Variants in ATG2A observed in about 807,000 individuals in gnomAD.
ATG2A encodes autophagy related 2A.
In ATG2A, 103 loss-of-function variants were observed where a neutral mutation model predicts 214.2. The observed-to-expected ratio is 0.48, with a 90% CI of 0.41 to 0.57. The LOEUF is 0.57. Ranked by LOEUF, ATG2A falls within the 20% of genes least tolerant of loss-of-function variation. The pLI is 0.00. For missense variants in ATG2A, 2,312 were observed against 2,613.2 expected, an observed-to-expected ratio of 0.88 and a Z score of 2.51; for synonymous variants, 1,160 against 1,142.1, an observed-to-expected ratio of 1.02 and a Z score of -0.32.
intron 24 of ATG2A, among the ~76,000 whole-genome samples, chr11:64,904,287 C>G (rs1280826153): frequency 6.6e-6 from 1 of 151,776 alleles, no homozygotes; most frequent in Admixed American, 6.6e-5. Flanking sequence ...TGGCTCATGC[C>G]TATAATCCCA....
rs200959543 is a variant in ATG2A at position 64,898,024 on chromosome 11, A to C, written c.4859-50T>G. On this transcript the variant is annotated intron_variant, in intron 34 of 40. Coordinates refer to ENST00000377264, the MANE Select transcript of ATG2A (RefSeq NM_015104.3). This position sits in a 1 kb window ranked among gnomAD's most constrained non-coding sequence, Gnocchi z 4.5. ...GGGGATGGGGCCAGGAATGACTGGG[A>C]ACCTGTGCTGTCCTGGGAGGCAGAA... is the stretch of plus-strand genomic sequence containing the variant. The C allele has an allele frequency of 1.2e-6, 2 of 1,600,962 alleles. No individual in the cohort carries two copies. The highest frequency in any genetic ancestry group is 8.5e-7 in the Non-Finnish European group (1 of 1,174,878).
At position 64,914,328 on chromosome 11, in the gene ATG2A, C is replaced by G. The variant is rs1329238930; in HGVS notation, c.334+10G>C. ...CCACTTGCCTGCCCCCAGCCTCGCC[C>G]TGCCCTCACCTGGACCCCGGCGGGG... is the stretch of plus-strand genomic sequence containing the variant. On this transcript the variant is annotated intron_variant, in intron 2 of 40. Transcript: ENST00000377264. 1 of 1,591,134 alleles carries G rather than the reference C, an allele frequency of 6.3e-7. No homozygotes were observed. The highest frequency in any genetic ancestry group is 1.8e-5 in the Admixed American group (1 of 56,728).
intron 21 of ATG2A, 65 bp from the exon 22 acceptor site, chr11:64,906,258 G>A (rs377326609): frequency 4.0e-4 from 646 of 1,604,952 alleles, no homozygotes; most frequent in Middle Eastern, 1.7e-3. Context: ...GGGCCTCACC[G>A]CGCACTGGGG....
At chr11:64,910,302 A>G (rs1008130302) in intron 12 of ATG2A, 107 bp from the exon 13 acceptor site, 21 of 1,439,178 alleles carry the variant, frequency 1.5e-5, no homozygotes, top group Non-Finnish European at 1.8e-5. Context: ...GGGCCACGAG[A>G]GCACTAAGAA....
chr11:64,907,289 A>C lies in ATG2A; in HGVS notation c.2798T>G (p.Leu933Arg). The change falls in exon 19 of 41, where the codon CTG becomes CGG. Residue 933 changes from leucine to arginine, a missense_variant. Transcript: ENST00000377264. The stretch of plus-strand genomic sequence containing the variant: ...ACAGAGGGCTGTGATCCGCCCCTTC[A>C]GCACTGTCACCAGTGTAGAGAAGGT... ...QSTFSTLVTV[L>R]KGRITALCET... 4 of 1,543,420 alleles carry C rather than the reference A, an allele frequency of 2.6e-6. No individual in the cohort carries two copies. The highest frequency in any genetic ancestry group is 3.5e-6 in the Non-Finnish European group (4 of 1,142,906).
At chr11:64,910,018 G>A in intron 13 of ATG2A, 22 bp downstream of exon 13, 1 of 1,559,762 alleles carries the variant, frequency 6.4e-7, no homozygotes, top group Non-Finnish European at 8.7e-7. Flanking sequence ...CCCCCGGCCT[G>A]GCCCTGGCAG....
In ATG2A at chr11:64,895,513, G is replaced by GCCC; in HGVS notation, c.5428-72_5428-71insGGG. On this transcript the variant is annotated intron_variant, in intron 39 of 40. Transcript: ENST00000377264. This position sits in a 1 kb window ranked among gnomAD's most constrained non-coding sequence, Gnocchi z 5.0. The stretch of plus-strand genomic sequence containing the variant: ...ACGTCAGCCCCAGGCCCCCAGGACA[G>GCCC]TCTGAGACCCCACCAGCCCTCAGCC... 2 of 1,440,180 alleles carry GCCC rather than the reference G, an allele frequency of 1.4e-6. No homozygotes were observed. Among genetic ancestry groups the GCCC allele is most frequent in the Non-Finnish European group, 9.2e-7 (1 of 1,092,146 alleles). The allele number at this position is 1,440,180 out of a possible 1,614,324, so 89.2% of individuals were successfully genotyped here.
At position 64,895,408 on chromosome 11, in the gene ATG2A, G is replaced by A. The variant is rs779340270; in HGVS notation, c.5462C>T (p.Pro1821Leu). 1.1e-5 allele frequency: 17 copies of A among 1,605,516 alleles called. No individual in the cohort carries two copies. Among genetic ancestry groups the A allele is most frequent in the East Asian group, 4.5e-5 (2 of 44,668 alleles). ...TAETVYDILS[P>L]AAPVSRSLQD... ...CAGGGAGCGGGAGACGGGGGCTGCCGGGGACAGGATGTCATACACGGTCTC... is the reference window on the plus strand; with the variant it reads ...CAGGGAGCGGGAGACGGGGGCTGCCAGGGACAGGATGTCATACACGGTCTC... The change falls in exon 40 of 41, where the codon CCG becomes CTG. Residue 1821 changes from proline to leucine, a missense_variant. Transcript: ENST00000377264. This position sits in a 1 kb window ranked among gnomAD's most constrained non-coding sequence, Gnocchi z 5.0.
At chr11:64,916,350 C>T (rs996908803) in intron 1 of ATG2A, among the ~76,000 whole-genome samples, 3 of 152,194 alleles carry the variant, frequency 2.0e-5, no homozygotes, top group Non-Finnish European at 2.9e-5. Flanking sequence ...TCCCTAGACA[C>T]CCACTTGGCC....
chr11:64,907,625 C>A lies in ATG2A; in HGVS notation c.2547G>T (p.Leu849=). 1 of 1,596,328 alleles carries A rather than the reference C, an allele frequency of 6.3e-7. No individual in the cohort carries two copies. The highest frequency in any genetic ancestry group is 8.5e-7 in the Non-Finnish European group (1 of 1,171,204). ...NDLLMWEPAD[L]LPTPDPAAQP... ...GGGCGGCGGGGTCGGGGGTGGGAAGCAGATCTGCAGGCTCCCACATGAGCA... is the reference window on the plus strand; with the variant it reads ...GGGCGGCGGGGTCGGGGGTGGGAAGAAGATCTGCAGGCTCCCACATGAGCA... The change falls in exon 18 of 41, where the codon CTG becomes CTT. Residue 849 remains leucine (L), a synonymous_variant. Transcript: ENST00000377264.
In ATG2A at chr11:64,894,571, C is replaced by T; in HGVS notation, c.*402G>A. The T allele has an allele frequency of 2.1e-6, 1 of 481,216 alleles. No homozygotes were observed. The highest frequency in any genetic ancestry group is 4.1e-6 in the Non-Finnish European group (1 of 244,022). The allele number at this position is 481,216 out of a possible 1,614,324, so 29.8% of individuals were successfully genotyped here. A position where few individuals can be genotyped will look rare whatever the true frequency, so the allele number is the denominator to read the frequency against. ...TGGCGGTGGGCAGTTTATTCCACTT[C>T]ATGCAGACACTGACCCACGCACTCA... On this transcript the variant is annotated 3_prime_UTR_variant, in exon 41 of 41. Coordinates refer to ENST00000377264, the MANE Select transcript of ATG2A (RefSeq NM_015104.3).
In ATG2A at chr11:64,903,281, C is replaced by T. The variant is rs1944423832; in HGVS notation, c.3612+7G>A. On this transcript the variant is annotated splice_region_variant and intron_variant, in intron 26 of 40. Transcript: ENST00000377264. The surrounding 1 kb of genome is among the most constrained non-coding windows in gnomAD (Gnocchi z 4.2). ...GCTCCAGGAGCCAGAGTGACAGCCT[C>T]ACTCACCAGTTTGCCCTCGGTGCTC... 3.1e-6 allele frequency: 5 copies of T among 1,613,454 alleles called. No individual in the cohort carries two copies. Among genetic ancestry groups the T allele is most frequent in the Non-Finnish European group, 4.2e-6 (5 of 1,179,788 alleles).
rs1332583207 is a variant in ATG2A, at chr11:64,894,642, C to T, written c.*331G>A. Reference sequence around the variant, plus strand: ...TCGAACCACACGGATATCATCCCCTCCTCCCCCCAGACACAGAAAGACACT... The same window carrying T: ...TCGAACCACACGGATATCATCCCCTTCTCCCCCCAGACACAGAAAGACACT... On this transcript the variant is annotated 3_prime_UTR_variant, in exon 41 of 41. Coordinates refer to ENST00000377264, the MANE Select transcript of ATG2A (RefSeq NM_015104.3). 2 of 623,900 alleles carry T rather than the reference C, an allele frequency of 3.2e-6. No individual in the cohort carries two copies. The highest frequency in any genetic ancestry group is 3.6e-5 in the African/African-American group (2 of 55,580). 38.6% of individuals were successfully genotyped at this position (623,900 alleles called of 1,614,324 possible).
Position 64,898,508 on chromosome 11 carries a change from C to A in ATG2A, c.4671+128G>T. 1 of 1,363,556 alleles carries A rather than the reference C, an allele frequency of 7.3e-7. No individual in the cohort carries two copies. The allele number at this position is 1,363,556 out of a possible 1,614,324, so 84.5% of individuals were successfully genotyped here. ...ACAGCCCCTAGCTCTGCCCTTCTCC[C>A]AGGCTCACAAACAACCTGGGTGTTT... On this transcript the variant is annotated intron_variant, in intron 32 of 40. Transcript: ENST00000377264. The surrounding 1 kb of genome is among the most constrained non-coding windows in gnomAD (Gnocchi z 4.5).
chr11:64,902,615 G>C lies in ATG2A; in HGVS notation c.3678C>G (p.Ser1226=). 3.1e-6 allele frequency: 5 copies of C among 1,610,886 alleles called. No homozygotes were observed. Among genetic ancestry groups the C allele is most frequent in the Non-Finnish European group, 4.2e-6 (5 of 1,179,848 alleles). The part of the protein sequence containing the change: ...NVVHVHSCAD[S]CALLVNLLQY... ...GGAGCAGGTTGACCAGCAGGGCACA[G>C]GAGTCGGCACAGCTGTGCACGTGTA... The change falls in exon 27 of 41, where the codon TCC becomes TCG. Residue 1226 remains serine (S), a synonymous_variant. Coordinates refer to ENST00000377264, the MANE Select transcript of ATG2A (RefSeq NM_015104.3).
intron 30 of ATG2A, 42 bp from the exon 31 acceptor site, chr11:64,900,671 C>A: frequency 6.5e-7 from 1 of 1,548,210 alleles, no homozygotes; most frequent in East Asian, 2.3e-5. Flanking sequence ...AGAGGAACCC[C>A]ATTCCCTCCC....
chr11:64,895,492 CAGCCCCAGGCCCCCAGGA>C lies in ATG2A; in HGVS notation c.5428-68_5428-51del. ...GAGGACAGCTGGCTGGGGCACACGT[CAGCCCCAGGCCCCCAGGA>C]CAGTCTGAGACCCCACCAGCCCTCA... On this transcript the variant is annotated intron_variant, in intron 39 of 40. Coordinates refer to ENST00000377264, the MANE Select transcript of ATG2A (RefSeq NM_015104.3). The surrounding 1 kb of genome is among the most constrained non-coding windows in gnomAD (Gnocchi z 5.0). 6.8e-7 allele frequency: 1 copy of C among 1,480,760 alleles called. No homozygotes were observed. Among genetic ancestry groups the C allele is most frequent in the South Asian group, 1.4e-5 (1 of 73,936 alleles). 91.7% of individuals were successfully genotyped at this position (1,480,760 alleles called of 1,614,324 possible).
In ATG2A at chr11:64,894,992, G is replaced by A. The variant is rs143022939; in HGVS notation, c.5798C>T (p.Ser1933Leu). The A allele has an allele frequency of 1.6e-5, 25 of 1,612,356 alleles. No individual in the cohort carries two copies. The highest frequency in any genetic ancestry group is 2.2e-5 in the East Asian group (1 of 44,836). The change falls in exon 41 of 41, where the codon TCG (serine) becomes TTG (leucine). Residue 1933 changes from serine to leucine, a missense_variant. Transcript: ENST00000377264. ...CCAGGCTCAGTCTTGGGCACTGTCC[G>A]AGCGCCACTTGAGGGCGTGGTCCTT... ...AHKDHALKWR[S>L]DSAQD
At chr11:64,905,935 C>T (rs188929372) in intron 22 of ATG2A, 87 bp from the exon 23 acceptor site, 56 of 1,425,168 alleles carry the variant, frequency 3.9e-5, no homozygotes, top group Admixed American at 9.2e-5. Flanking sequence ...CCCTGCCTGG[C>T]ACCTCACCTT....
Sources: gnomAD v4.1 joint callset for allele counts (sites outside exome capture counted in the v4.1 genomes callset) on GRCh38, gnomAD v4.1.1 for gene constraint, Gnocchi (gnomAD v3.1) non-coding constraint, MANE v1.5 for transcripts, NCBI Gene and HGNC (gene_info 2026-07-23, HGNC 2026-07-21) for gene names.